The following TBC1D2B variants were observed in gnomAD, a reference collection of about 807,000 sequenced individuals.
The protein encoded by TBC1D2B is TBC1 domain family member 2B, also known as TBC1 domain family, member 2B.
A neutral mutation model predicts 100.8 loss-of-function variants in TBC1D2B; 64 were observed. The ratio of observed to expected loss-of-function variants is 0.64; its 90% CI spans 0.52 to 0.78. The LOEUF (loss-of-function observed/expected upper bound fraction) is 0.78, where lower values mean the gene tolerates loss of function less well. TBC1D2B is among the 30% of genes least tolerant of loss of function. The pLI is 0.00. For synonymous variants in TBC1D2B, 480 were observed against 479.7 expected (o/e 1.00, Z -0.01); for missense variants, 1,052 against 1,218.4 (o/e 0.86, Z 2.03).
At chr15:78,060,005 T>A (rs1016808313) in intron 1 of TBC1D2B, among the ~76,000 whole-genome samples, 3 of 152,176 alleles carry the variant, frequency 2.0e-5, no homozygotes. Context: ...GTAAACAATG[T>A]CCACCTATCA....
In TBC1D2B at chr15:78,001,615, T is replaced by C; in HGVS notation, c.2696+4A>G. ...TTGACATCTGAGAACTCCCCAGGAC[T>C]CACCTAGCATCAAGGATAGTGCGAG... On this transcript the variant is annotated splice_donor_region_variant and intron_variant, in intron 12 of 12. Coordinates refer to ENST00000300584, the MANE Select transcript of TBC1D2B (RefSeq NM_144572.2). 1 of 1,607,920 alleles carries C rather than the reference T, an allele frequency of 6.2e-7. No individual in the cohort carries two copies. Among genetic ancestry groups the C allele is most frequent in the Non-Finnish European group, 8.5e-7 (1 of 1,177,226 alleles).
chr15:78,068,051 C>G (rs2073686874), intron 1 of TBC1D2B, among the ~76,000 whole-genome samples: 2 of 152,210 alleles, frequency 1.3e-5, no homozygotes, highest in South Asian at 4.1e-4. Flanking sequence ...TGGATGCCCC[C>G]TCCCCTTCCT....
At chr15:78,013,371 A>G (rs1048879971) in intron 8 of TBC1D2B, 54 bp from the exon 9 acceptor site, 2 of 1,468,844 alleles carry the variant, frequency 1.4e-6, no homozygotes, top group African/African-American at 1.4e-5. Context: ...AGCAACAAAG[A>G]CCAATGCAAC....
intron 3 of TBC1D2B, among the ~76,000 whole-genome samples, chr15:78,042,012 G>C (rs1301282969): frequency 6.6e-6 from 1 of 152,220 alleles, no homozygotes; most frequent in Non-Finnish European, 1.5e-5. Flanking sequence ...CAGCTACTAA[G>C]TGGCATAGCT....
chr15:78,049,328 T>C (rs951478129), intron 2 of TBC1D2B, among the ~76,000 whole-genome samples: 6 of 152,186 alleles, frequency 3.9e-5, no homozygotes, highest in Non-Finnish European at 7.4e-5. Flanking sequence ...ACACCTAGCA[T>C]AGAGGAGTGA....
intron 1 of TBC1D2B, among the ~76,000 whole-genome samples, chr15:78,071,246 G>C (rs1371542708): frequency 6.6e-6 from 1 of 152,202 alleles, no homozygotes; most frequent in Non-Finnish European, 1.5e-5. Flanking sequence ...GGGATTACAG[G>C]AGTGAGCCAC....
At chr15:78,060,180 C>T (rs1378416141) in intron 1 of TBC1D2B, among the ~76,000 whole-genome samples, 3 of 152,134 alleles carry the variant, frequency 2.0e-5, no homozygotes, top group Non-Finnish European at 4.4e-5. Context: ...CTAACTTGGG[C>T]CAAGTCCAGT....
intron 1 of TBC1D2B, among the ~76,000 whole-genome samples, chr15:78,076,695 G>A (rs1344659917): frequency 6.6e-6 from 1 of 152,124 alleles, no homozygotes; most frequent in East Asian, 1.9e-4. Context: ...AGGCTGCAGT[G>A]AGCCGAGATC....
At chr15:78,061,128 C>A (rs184771176) in intron 1 of TBC1D2B, among the ~76,000 whole-genome samples, 10 of 152,152 alleles carry the variant, frequency 6.6e-5, no homozygotes, top group Non-Finnish European at 1.3e-4. Context: ...CCTGTAATCC[C>A]AGCTACTTGG....
intron 1 of TBC1D2B, among the ~76,000 whole-genome samples, chr15:78,070,251 C>T (rs1346831988): frequency 6.6e-6 from 1 of 152,010 alleles, no homozygotes; most frequent in African/African-American, 2.4e-5. Flanking sequence ...TCCTCTCCAC[C>T]CCCACCCCCG....
chr15:78,001,867 GGAAAGACTATT>G (rs1222745259), intron 11 of TBC1D2B, 127 bp from the exon 12 acceptor site: 1 of 1,117,718 alleles, frequency 8.9e-7, no homozygotes, highest in Non-Finnish European at 1.2e-6. Context: ...CCCGCCCTGG[GGAAAGACTATT>G]GACCTGAGGG....
chr15:78,029,549 G>A (rs970626032), intron 4 of TBC1D2B, among the ~76,000 whole-genome samples: 5 of 152,320 alleles, frequency 3.3e-5, no homozygotes, highest in Admixed American at 1.3e-4. Flanking sequence ...ATTTGCAGAT[G>A]CAATGGATTA....
In TBC1D2B at chr15:78,025,536, A is replaced by T. The variant is rs778356283; in HGVS notation, c.848-39T>A. 11 of 1,400,272 alleles carry T rather than the reference A, an allele frequency of 7.9e-6. No individual in the cohort carries two copies. In the South Asian group the frequency reaches 1.5e-4, roughly 19 times the overall value. The allele number at this position is 1,400,272 out of a possible 1,614,324, so 86.7% of individuals were successfully genotyped here. A position where few individuals can be genotyped will look rare whatever the true frequency, so the allele number is the denominator to read the frequency against. ...AAACTTGTATTTTATTATTATTATT[A>T]TTATTTTTGAGACGGAGTGTCGGTC... On this transcript the variant is annotated intron_variant, in intron 4 of 12. Coordinates refer to ENST00000300584, the MANE Select transcript of TBC1D2B (RefSeq NM_144572.2).
At chr15:78,005,779 A>G (rs773475240) in intron 10 of TBC1D2B, among the ~76,000 whole-genome samples, 18 of 152,200 alleles carry the variant, frequency 1.2e-4, no homozygotes, top group Non-Finnish European at 2.9e-5. Flanking sequence ...ACATCTTTCT[A>G]TACTGCCTGA....
rs1183805744 is a variant in TBC1D2B at position 78,077,541 on chromosome 15, A to G, written c.112T>C (p.Cys38Arg). 12 of 1,487,770 alleles carry G rather than the reference A, an allele frequency of 8.1e-6. No homozygotes were observed. The highest frequency in any genetic ancestry group is 8.9e-6 in the Non-Finnish European group (10 of 1,117,474). 92.2% of individuals were successfully genotyped at this position (1,487,770 alleles called of 1,614,324 possible). ...CCCGACAGCTTCTGCAGATAGCCAC[A>G]CAGCCGCGCTGGCTCCCGCGCCGGA... ...AGPAREPARL[C>R]GYLQKLSGKG... The change falls in exon 1 of 13, where the codon TGT (cysteine) becomes CGT (arginine). Residue 38 changes from cysteine (C) to arginine (R), a missense_variant. This residue lies in a region of TBC1D2B where 627 missense variants were observed against 646.1 expected (regional missense o/e 0.97). Transcript: ENST00000300584.
At chr15:78,008,848 C>G (rs2072145604) in intron 10 of TBC1D2B, 149 bp downstream of exon 10, 1 of 626,910 alleles carries the variant, frequency 1.6e-6, no homozygotes, top group South Asian at 2.0e-5. Flanking sequence ...TGGGGACAGC[C>G]TCTGAGATGT....
At chr15:78,068,344 C>A (rs979703013) in intron 1 of TBC1D2B, among the ~76,000 whole-genome samples, 1 of 149,890 alleles carries the variant, frequency 6.7e-6, no homozygotes, top group African/African-American at 2.5e-5. Context: ...ACACTACAAA[C>A]GTCCGTTTCA....
chr15:78,063,556 G>A (rs2073592873), intron 1 of TBC1D2B, among the ~76,000 whole-genome samples: 1 of 152,198 alleles, frequency 6.6e-6, no homozygotes, highest in African/African-American at 2.4e-5. Context: ...CACATCAGTA[G>A]AGAAGGTCCT....
At chr15:78,055,021 C>A (rs150774431) in intron 1 of TBC1D2B, among the ~76,000 whole-genome samples, 2 of 152,134 alleles carry the variant, frequency 1.3e-5, no homozygotes, top group Admixed American at 1.3e-4. Flanking sequence ...TTGATTCCTA[C>A]TACATGGATA....
Sources: allele counts gnomAD v4.1 joint callset (sites outside exome capture counted in the v4.1 genomes callset), GRCh38; gene constraint gnomAD v4.1.1; regional missense constraint gnomAD v4.1.1; transcripts MANE v1.5; gene names NCBI Gene and HGNC (gene_info 2026-07-23, HGNC 2026-07-21).